The following SOX7 variants were observed in gnomAD, a reference collection of about 807,000 sequenced individuals.
SOX7 encodes the protein transcription factor SOX-7.
A neutral mutation model predicts 24.9 loss-of-function variants in SOX7; 19 were observed. The observed-to-expected ratio is 0.76, with a 90% CI of 0.53 to 1.12. The LOEUF (loss-of-function observed/expected upper bound fraction) is 1.12, where lower values mean the gene tolerates loss of function less well. Ranked by LOEUF, SOX7 falls within the 50% of genes most tolerant of loss-of-function variation. SOX7 has a pLI of 0.00. For missense variants in SOX7, 702 were observed against 535.0 expected (o/e 1.31, Z -3.08); for synonymous variants, 327 against 244.5 (o/e 1.34, Z -3.15).
Position 10,725,604 on chromosome 8 carries a change from G to A in SOX7, c.*134C>T. 1 of 908,762 alleles carries A rather than the reference G, an allele frequency of 1.1e-6. No individual in the cohort carries two copies. Among genetic ancestry groups the A allele is most frequent in the Non-Finnish European group, 1.7e-6 (1 of 594,938 alleles). The allele number at this position is 908,762 out of a possible 1,614,324, so 56.3% of individuals were successfully genotyped here. ...AAGGAGAGTCCAGCTTAGGCCAAAG[G>A]CTCTGGGGCCGCAGTTCAGACCTCC... is the stretch of plus-strand genomic sequence containing the variant. On this transcript the variant is annotated 3_prime_UTR_variant, in exon 2 of 2. Transcript: ENST00000304501.
At chr8:10,729,776 A>T in intron 1 of SOX7, 1 of 154,438 alleles carries the variant, frequency 6.5e-6, no homozygotes, top group Non-Finnish European at 1.4e-5. Context: ...TGTAAGGTCC[A>T]GGGAATGCTG....
chr8:10,726,753 T>C, intron 1 of SOX7, 87 bp from the exon 2 acceptor site: 6 of 1,202,028 alleles, frequency 5.0e-6, no homozygotes, highest in Admixed American at 2.6e-5. Flanking sequence ...CACGTGCACA[T>C]GCACACACAC....
chr8:10,728,288 A>C (rs1246369904), intron 1 of SOX7, among the ~76,000 whole-genome samples: 1 of 152,216 alleles, frequency 6.6e-6, no homozygotes, highest in African/African-American at 2.4e-5. Flanking sequence ...TTTCTCATTC[A>C]TAATATATTT....
chr8:10,725,707 CG>C lies in SOX7; in HGVS notation c.*30del. On this transcript the variant is annotated 3_prime_UTR_variant, in exon 2 of 2. Transcript: ENST00000304501. ...CTCAAGGCACAAGAAGGAGAGGGCGCGAGGGCTGACCGGACGGGGCGCCTCC... is the reference window on the plus strand; with the variant it reads ...CTCAAGGCACAAGAAGGAGAGGGCGCAGGGCTGACCGGACGGGGCGCCTCC... 3 of 1,612,248 alleles carry C rather than the reference CG, an allele frequency of 1.9e-6. No individual in the cohort carries two copies. The highest frequency in any genetic ancestry group is 2.5e-6 in the Non-Finnish European group (3 of 1,178,898).
Position 10,725,752 on chromosome 8 carries a change from A to G in SOX7, c.1153T>C (p.Tyr385His). The stretch of plus-strand genomic sequence containing the variant: ...CGCCTCCAGCTCTATGACACACTGT[A>G]GCTGTTGTAGTACGTGGCCGTGGCA... The part of the protein sequence containing the change: ...ADATATYYNS[Y>H]SVS The change falls in exon 2 of 2, where the codon TAC becomes CAC. Residue 385 changes from tyrosine (Y) to histidine (H), a missense_variant. Tyr to His is a moderately conservative substitution (Grantham distance 83). Coordinates refer to ENST00000304501, the MANE Select transcript of SOX7 (RefSeq NM_031439.4). 2 of 1,614,078 alleles carry G rather than the reference A, an allele frequency of 1.2e-6. No homozygotes were observed. The highest frequency in any genetic ancestry group is 1.7e-6 in the Non-Finnish European group (2 of 1,180,020).
chr8:10,727,757 C>G (rs1436692841), intron 1 of SOX7, among the ~76,000 whole-genome samples: 2 of 152,214 alleles, frequency 1.3e-5, no homozygotes, highest in African/African-American at 4.8e-5. Context: ...GATTCTACAA[C>G]TTTAACATGT....
chr8:10,725,313 C>A lies in SOX7; in HGVS notation c.*425G>T, dbSNP rs777195523. 1 of 197,108 alleles carries A rather than the reference C, an allele frequency of 5.1e-6. No individual in the cohort carries two copies. The highest frequency in any genetic ancestry group is 1.5e-4 in the East Asian group (1 of 6,786). The allele number at this position is 197,108 out of a possible 1,614,324, so 12.2% of individuals were successfully genotyped here. A position where few individuals can be genotyped will look rare whatever the true frequency, so the allele number is the denominator to read the frequency against. On this transcript the variant is annotated 3_prime_UTR_variant, in exon 2 of 2. Coordinates refer to ENST00000304501, the MANE Select transcript of SOX7 (RefSeq NM_031439.4). ...TATCACCAGATCGTAGGTTAGCGAGCTCATTAATGAGTCAAATTTCCCCAT... is the reference window on the plus strand; with the variant it reads ...TATCACCAGATCGTAGGTTAGCGAGATCATTAATGAGTCAAATTTCCCCAT...
At chr8:10,729,667 GT>G (rs1382556027) in intron 1 of SOX7, 1 of 152,236 alleles carries the variant, frequency 6.6e-6, no homozygotes, top group Non-Finnish European at 1.5e-5. Flanking sequence ...CCTCTTAATT[GT>G]TTAGTTAAAG....
intron 1 of SOX7, among the ~76,000 whole-genome samples, chr8:10,728,287 CATAATATATTTTAA>C (rs1312974958): frequency 6.6e-6 from 1 of 152,164 alleles, no homozygotes; most frequent in African/African-American, 2.4e-5. Flanking sequence ...CTTTCTCATT[CATAATATATTTTAA>C]ATACCAGTGT....
At position 10,726,437 on chromosome 8, in the gene SOX7, C is replaced by A. The variant is rs753070298; in HGVS notation, c.468G>T (p.Leu156=). ...PEKRSGSRGA[L]GEKEDRGEYS... ...ACTCACCCCTGTCCTCCTTCTCCCC[C>A]AGCGCCCCCCGGCTGCCGCTTCTCT... Residue 156 remains leucine (L), a synonymous_variant, in exon 2 of 2, where the codon CTG becomes CTT. Transcript: ENST00000304501. 19 of 1,612,200 alleles carry A rather than the reference C, an allele frequency of 1.2e-5. No homozygotes were observed. Among genetic ancestry groups the A allele is most frequent in the Admixed American group, 3.3e-5 (2 of 59,980 alleles).
intron 1 of SOX7, 74 bp from the exon 2 acceptor site, chr8:10,726,740 ACACACGTG>A (rs1800164516): frequency 7.7e-7 from 1 of 1,301,986 alleles, no homozygotes; most frequent in South Asian, 1.4e-5. Flanking sequence ...ACGCGTGCAC[ACACACGTG>A]CACATGCACA....
In SOX7 at chr8:10,725,724, G is replaced by T. The variant is rs1292472014; in HGVS notation, c.*14C>A. 6.2e-7 allele frequency: 1 copy of T among 1,613,926 alleles called. No individual in the cohort carries two copies. Among genetic ancestry groups the T allele is most frequent in the South Asian group, 1.1e-5 (1 of 91,076 alleles). ...AGAGGGCGCGAGGGCTGACCGGACG[G>T]GGCGCCTCCAGCTCTATGACACACT... On this transcript the variant is annotated 3_prime_UTR_variant, in exon 2 of 2. Transcript: ENST00000304501.
rs1231927888 is a variant in SOX7 at position 10,725,897 on chromosome 8, C to G, written c.1008G>C (p.Leu336Phe). ...CGGAGTCTGGGTGGCCAGGAGTGTT[C>G]AAATACTGGTCGAATTCATTGCGAT... ...DMDRNEFDQY[L>F]NTPGHPDSAT... The change falls in exon 2 of 2, where the codon TTG becomes TTC. Residue 336 changes from leucine to phenylalanine, a missense_variant. Physicochemically the swap from Leu to Phe is conservative, Grantham distance 22. Transcript: ENST00000304501. 1 of 1,614,174 alleles carries G rather than the reference C, an allele frequency of 6.2e-7. No homozygotes were observed. Among genetic ancestry groups the G allele is most frequent in the Non-Finnish European group, 8.5e-7 (1 of 1,180,032 alleles).
intron 1 of SOX7, among the ~76,000 whole-genome samples, chr8:10,729,993 C>A (rs935970739): frequency 6.6e-6 from 1 of 152,016 alleles, no homozygotes; most frequent in Non-Finnish European, 1.5e-5. Context: ...CACTTTGGAC[C>A]GCGCCAAGTG....
rs761465048 is a variant in SOX7 at position 10,725,762 on chromosome 8, G to C, written c.1143C>G (p.Tyr381Ter). 2 of 1,614,204 alleles carry C rather than the reference G, an allele frequency of 1.2e-6. No individual in the cohort carries two copies. The highest frequency in any genetic ancestry group is 1.1e-5 in the South Asian group (1 of 91,086). ...TCTATGACACACTGTAGCTGTTGTAGTACGTGGCCGTGGCATCAGCCAGGA... is the reference window on the plus strand; with the variant it reads ...TCTATGACACACTGTAGCTGTTGTACTACGTGGCCGTGGCATCAGCCAGGA... ...ISVLADATAT[Y>*]YNSYSVS The change falls in exon 2 of 2, where the codon TAC becomes TAG. Residue 381 changes from tyrosine (Y) to a stop codon, truncating the protein, a stop_gained. Transcript: ENST00000304501. LOFTEE classifies it high-confidence loss of function.
intron 1 of SOX7, among the ~76,000 whole-genome samples, chr8:10,729,151 G>C (rs1264859543): frequency 3.3e-5 from 5 of 152,186 alleles, no homozygotes; most frequent in African/African-American, 1.2e-4. Context: ...TGCGGCTTTA[G>C]CCAGCAGAAA....
At chr8:10,728,514 C>T (rs529771533) in intron 1 of SOX7, among the ~76,000 whole-genome samples, 88 of 152,204 alleles carry the variant, frequency 5.8e-4, no homozygotes, top group Non-Finnish European at 8.8e-4. Flanking sequence ...TGCGGTTTCC[C>T]TCACCCAGTG....
chr8:10,726,607 G>A lies in SOX7; in HGVS notation c.298C>T (p.Arg100Trp). Reference protein sequence around the residue: ...QKRPYVDEAERLRLQHMQDYP... With the variant: ...QKRPYVDEAEWLRLQHMQDYP... ...TCCTGCATGTGCTGCAGGCGCAGCC[G>A]CTCCGCCTCGTCCACGTACGGCCTC... is the stretch of plus-strand genomic sequence containing the variant. Residue 100 changes from arginine to tryptophan, a missense_variant, in exon 2 of 2, where the codon CGG (arginine) becomes TGG (tryptophan). Coordinates refer to ENST00000304501, the MANE Select transcript of SOX7 (RefSeq NM_031439.4). The A allele has an allele frequency of 6.2e-7, 1 of 1,607,184 alleles. No individual in the cohort carries two copies. The highest frequency in any genetic ancestry group is 8.5e-7 in the Non-Finnish European group (1 of 1,179,276).
Position 10,725,596 on chromosome 8 carries a change from G to A in SOX7, c.*142C>T, listed in dbSNP as rs1800128630. 2.4e-5 allele frequency: 20 copies of A among 831,224 alleles called. No individual in the cohort carries two copies. The South Asian group carries it at 3.4e-4, about 14-fold the overall frequency. 51.5% of individuals were successfully genotyped at this position (831,224 alleles called of 1,614,324 possible). On this transcript the variant is annotated 3_prime_UTR_variant, in exon 2 of 2. Coordinates refer to ENST00000304501, the MANE Select transcript of SOX7 (RefSeq NM_031439.4). ...ACTCGGATAAGGAGAGTCCAGCTTAGGCCAAAGGCTCTGGGGCCGCAGTTC... is the reference window on the plus strand; with the variant it reads ...ACTCGGATAAGGAGAGTCCAGCTTAAGCCAAAGGCTCTGGGGCCGCAGTTC...
Sources: gnomAD v4.1 joint callset for allele counts (sites outside exome capture counted in the v4.1 genomes callset) on GRCh38, gnomAD v4.1.1 for gene constraint, MANE v1.5 for transcripts, NCBI Gene and HGNC (gene_info 2026-07-23, HGNC 2026-07-21) for gene names.